Variants in CPT1B observed in about 807,000 individuals in gnomAD.
CPT1B encodes the protein carnitine O-palmitoyltransferase 1, muscle isoform.
Under a neutral mutation model 92.7 loss-of-function variants are expected in CPT1B, and 57 were observed. The ratio of observed to expected loss-of-function variants is 0.62; its 90% CI spans 0.50 to 0.77. The LOEUF is 0.77. Ranked by LOEUF, CPT1B falls within the 30% of genes least tolerant of loss-of-function variation. The pLI, the probability that CPT1B is intolerant of heterozygous loss-of-function variation, is 0.00. For synonymous variants in CPT1B, 398 were observed against 383.5 expected (o/e 1.04, Z -0.44); for missense variants, 983 against 1,017.4 (o/e 0.97, Z 0.46).
At position 50,577,016 on chromosome 22, in the gene CPT1B, G is replaced by C; in HGVS notation, c.300C>G (p.Thr100=). ...CLPQGCGPYQ[T]PQTRALLSMA... Reference sequence around the variant, plus strand: ...TGCTGAGAAGTGCCCGGGTCTGCGGGGTCTGGTAGGGGCCACACCTATTGG... The same window carrying C: ...TGCTGAGAAGTGCCCGGGTCTGCGGCGTCTGGTAGGGGCCACACCTATTGG... The change falls in exon 4 of 20, where the codon ACC becomes ACG. Residue 100 remains threonine (T), a synonymous_variant. Coordinates refer to ENST00000312108, the MANE Select transcript of CPT1B (RefSeq NM_152246.3). 6.2e-7 allele frequency: 1 copy of C among 1,614,030 alleles called. No individual in the cohort carries two copies. Among genetic ancestry groups the C allele is most frequent in the Non-Finnish European group, 8.5e-7 (1 of 1,180,024 alleles).
chr22:50,574,570 G>A lies in CPT1B; in HGVS notation c.808C>T (p.Gln270Ter). ...DLVLIKNTDV[Q>*]AARLGNIIHA... ...ATGATGTTTCCCAGGCGGGCTGCCT[G>A]CACGTCTGTATTCTTGATGAGCACA... The change falls in exon 8 of 20, where the codon CAG (glutamine) becomes TAG (stop). Residue 270 changes from glutamine (Q) to a stop codon, truncating the protein, a stop_gained. Coordinates refer to ENST00000312108, the MANE Select transcript of CPT1B (RefSeq NM_152246.3). LOFTEE classifies it high-confidence loss of function. The A allele has an allele frequency of 6.2e-7, 1 of 1,614,100 alleles. No individual in the cohort carries two copies. Among genetic ancestry groups the A allele is most frequent in the Non-Finnish European group, 8.5e-7 (1 of 1,180,014 alleles).
Position 50,571,437 on chromosome 22 carries a change from T to C in CPT1B, c.1678A>G (p.Lys560Glu). The C allele has an allele frequency of 6.2e-7, 1 of 1,613,836 alleles. No individual in the cohort carries two copies. The highest frequency in any genetic ancestry group is 8.5e-7 in the Non-Finnish European group (1 of 1,180,022). The change falls in exon 14 of 20, where the codon AAG becomes GAG. Residue 560 changes from lysine (K) to glutamate (E), a missense_variant. Transcript: ENST00000312108. ...QFLPFGKGLIKKCRTSPDAFV... is the reference protein window; with the variant it reads ...QFLPFGKGLIEKCRTSPDAFV... ...GCATCAGGGCTGGTCCGGCACTTCTTGATGAGGCCTTTGCCAAAGGGCAGG... is the reference window on the plus strand; with the variant it reads ...GCATCAGGGCTGGTCCGGCACTTCTCGATGAGGCCTTTGCCAAAGGGCAGG...
rs777493327 is a variant in CPT1B at position 50,577,054 on chromosome 22, G to T, written c.282-20C>A. Reference sequence around the variant, plus strand: ...CCACACCTATTGGAGAGGGGCAAGGGCTGCAGGGGGTCCTCTTGAGGCCAG... The same window carrying T: ...CCACACCTATTGGAGAGGGGCAAGGTCTGCAGGGGGTCCTCTTGAGGCCAG... On this transcript the variant is annotated intron_variant, in intron 3 of 19. Transcript: ENST00000312108. 2.5e-6 allele frequency: 4 copies of T among 1,611,470 alleles called. No homozygotes were observed. In the South Asian group the frequency reaches 3.3e-5, roughly 13 times the overall value.
chr22:50,572,435 TA>T, intron 11 of CPT1B, 127 bp from the exon 12 acceptor site: 1 of 643,406 alleles, frequency 1.6e-6, no homozygotes, highest in Non-Finnish European at 2.7e-6. Flanking sequence ...ACTTTTTTTT[TA>T]AATTGAGATG....
In CPT1B at chr22:50,569,073, A is replaced by AC. The variant is rs929238248; in HGVS notation, c.*10dup. 5.5e-6 allele frequency: 2 copies of AC among 365,996 alleles called. No individual in the cohort carries two copies. The highest frequency in any genetic ancestry group is 7.4e-5 in the South Asian group (2 of 27,198). 22.7% of individuals were successfully genotyped at this position (365,996 alleles called of 1,614,324 possible). ...CCGAGTTCCCAAACAAAACACAGGTACCTAAGGGCTGAGAGAAAATTACAC... is the reference window on the plus strand; with the variant it reads ...CCGAGTTCCCAAACAAAACACAGGTACCCTAAGGGCTGAGAGAAAATTACAC... On this transcript the variant is annotated 3_prime_UTR_variant, in exon 20 of 20. Transcript: ENST00000312108.
chr22:50,569,607 T>C lies in CPT1B; in HGVS notation c.2204A>G (p.His735Arg). ...TGAGCTTGAGAACTTGCTGGAGATG[T>C]GGAAGAAGATCGTGTTCTCGCCTGC... ...MIAGENTIFF[H>R]ISSKFSSSET... Residue 735 changes from histidine to arginine, a missense_variant, in exon 18 of 20, where the codon CAC becomes CGC. Coordinates refer to ENST00000312108, the MANE Select transcript of CPT1B (RefSeq NM_152246.3). 1 of 1,614,018 alleles carries C rather than the reference T, an allele frequency of 6.2e-7. No homozygotes were observed. Among genetic ancestry groups the C allele is most frequent in the Non-Finnish European group, 8.5e-7 (1 of 1,180,010 alleles).
At position 50,569,309 on chromosome 22, in the gene CPT1B, C is replaced by T. The variant is rs17848473; in HGVS notation, c.*2+27G>A. 1.8e-3 allele frequency: 2,877 copies of T among 1,609,606 alleles called. 66 individuals are homozygous for T. The South Asian group carries it at 0.025, about 14-fold the overall frequency. The stretch of plus-strand genomic sequence containing the variant: ...GGTCCCTTCCTCCACAGTGTGGGGA[C>T]GAAAGGGCAGCTGGCATTTCTCCAA... On this transcript the variant is annotated intron_variant, in intron 19 of 19. Transcript: ENST00000312108.
In CPT1B at chr22:50,574,064, C is replaced by T; in HGVS notation, c.970+271G>A. 4 of 671,608 alleles carry T rather than the reference C, an allele frequency of 6.0e-6. No homozygotes were observed. The East Asian group carries it at 8.2e-5, about 14-fold the overall frequency. The allele number at this position is 671,608 out of a possible 1,614,324, so 41.6% of individuals were successfully genotyped here. On this transcript the variant is annotated intron_variant, in intron 9 of 19. Transcript: ENST00000312108. ...CTCCCCTCCTCTGCCGGCTCCATGG[C>T]AGCGCCGGGTCTGTCCTAAGCTTTG...
At position 50,570,332 on chromosome 22, in the gene CPT1B, C is replaced by G. The variant is rs2070103551; in HGVS notation, c.2103G>C (p.Gln701His). 6.2e-7 allele frequency: 1 copy of G among 1,603,462 alleles called. No homozygotes were observed. Among genetic ancestry groups the G allele is most frequent in the Non-Finnish European group, 8.5e-7 (1 of 1,173,144 alleles). Residue 701 changes from glutamine to histidine, a missense_variant, in exon 17 of 20, where the codon CAG (glutamine) becomes CAC (histidine). Coordinates refer to ENST00000312108, the MANE Select transcript of CPT1B (RefSeq NM_152246.3). ...QSQIRMFDPE[Q>H]HPNHLGAGGG... Reference sequence around the variant, plus strand: ...CTCCAGCGCCCAGGTGATTGGGGTGCTGCTCTGGGTCGAACATGCGGATCT... The same window carrying G: ...CTCCAGCGCCCAGGTGATTGGGGTGGTGCTCTGGGTCGAACATGCGGATCT...
rs960442580 is a variant in CPT1B, at chr22:50,574,326, C to T, written c.970+9G>A. ...TGGCCCACAGGTAGCAGCGAGGGGGCTCAGTTACCTGTGTCCTTGCCCGGG... is the reference window on the plus strand; with the variant it reads ...TGGCCCACAGGTAGCAGCGAGGGGGTTCAGTTACCTGTGTCCTTGCCCGGG... On this transcript the variant is annotated intron_variant, in intron 9 of 19. Transcript: ENST00000312108. 2.5e-6 allele frequency: 4 copies of T among 1,608,178 alleles called. No homozygotes were observed. The African/African-American group carries it at 4.0e-5, about 16-fold the overall frequency.
At chr22:50,569,478 C>T in intron 18 of CPT1B, 57 bp from the exon 19 acceptor site, 1 of 1,610,588 alleles carries the variant, frequency 6.2e-7, no homozygotes, top group Non-Finnish European at 8.5e-7. Context: ...CCTCTGTTCC[C>T]ACAAGCAAGG....
In CPT1B at chr22:50,573,492, G is replaced by A. The variant is rs1219908449; in HGVS notation, c.1166+28C>T. On this transcript the variant is annotated intron_variant, in intron 10 of 19. Transcript: ENST00000312108. The surrounding 1 kb of genome is among the most constrained non-coding windows in gnomAD (Gnocchi z 5.0). ...CTCACGGAGCCCTGAACTCAGGGTG[G>A]GGACAGTCCCTTCCTAGAGGCCAAT... 6.4e-7 allele frequency: 1 copy of A among 1,570,050 alleles called. No individual in the cohort carries two copies.
At chr22:50,569,709 C>T in intron 17 of CPT1B, 41 bp from the exon 18 acceptor site, 1 of 1,514,972 alleles carries the variant, frequency 6.6e-7, no homozygotes, top group Non-Finnish European at 9.2e-7. Flanking sequence ...TAAATCAAAC[C>T]TTGAAGATCT....
intron 17 of CPT1B, 95 bp downstream of exon 17, chr22:50,570,198 T>A: frequency 1.1e-6 from 1 of 873,402 alleles, no homozygotes; most frequent in Middle Eastern, 3.6e-4. Flanking sequence ...CTAAGCAAGG[T>A]GCTCCTGCCT....
intron 11 of CPT1B, among the ~76,000 whole-genome samples, chr22:50,572,627 A>G (rs550889739): frequency 6.6e-6 from 1 of 151,694 alleles, no homozygotes; most frequent in East Asian, 1.9e-4. Context: ...AACCCTAGCC[A>G]CTAGCCCTAC....
At position 50,577,775 on chromosome 22, in the gene CPT1B, C is replaced by T; in HGVS notation, c.141G>A (p.Lys47=). 6.2e-7 allele frequency: 1 copy of T among 1,613,710 alleles called. No homozygotes were observed. The highest frequency in any genetic ancestry group is 8.5e-7 in the Non-Finnish European group (1 of 1,179,756). The change falls in exon 2 of 20, where the codon AAG becomes AAA. Residue 47 remains lysine, a splice_region_variant and synonymous_variant. Coordinates refer to ENST00000312108, the MANE Select transcript of CPT1B (RefSeq NM_152246.3). The part of the protein sequence containing the change: ...NSWKKRLIRI[K]NGILRGVYPG... ...CTCTGGGAGAAGCACCTGTGCGCAC[C>T]TTGATGCGGATCAGGCGTTTCTTCC...
At position 50,572,893 on chromosome 22, in the gene CPT1B, T is replaced by G; in HGVS notation, c.1334A>C (p.His445Pro). The G allele has an allele frequency of 1.2e-6, 2 of 1,606,716 alleles. No individual in the cohort carries two copies. The highest frequency in any genetic ancestry group is 8.5e-7 in the Non-Finnish European group (1 of 1,173,950). Residue 445 changes from histidine (H) to proline (P), a missense_variant, in exon 11 of 20, where the codon CAT becomes CCT. Physicochemically the swap from His to Pro is moderately conservative, Grantham distance 77. Transcript: ENST00000312108. ...GCCGTACCTGTTGTAGCAGTTGCCA[T>G]GTAGCAGGGCCTTGCCATAGAGGCT... ...SLSLYGKALL[H>P]GNCYNRWFDK...
intron 2 of CPT1B, 87 bp from the exon 3 acceptor site, chr22:50,577,550 G>A: frequency 6.5e-7 from 1 of 1,538,960 alleles, no homozygotes; most frequent in Non-Finnish European, 8.8e-7. Context: ...TCCTGGTCTT[G>A]GCCTGGAAGG....
Position 50,570,495 on chromosome 22 carries a change from C to G in CPT1B, c.2029-89G>C, listed in dbSNP as rs1469054418. 3.7e-6 allele frequency: 4 copies of G among 1,082,904 alleles called. No individual in the cohort carries two copies. The South Asian group carries it at 6.4e-5, about 17-fold the overall frequency. The allele number at this position is 1,082,904 out of a possible 1,614,324, so 67.1% of individuals were successfully genotyped here. On this transcript the variant is annotated intron_variant, in intron 16 of 19. Coordinates refer to ENST00000312108, the MANE Select transcript of CPT1B (RefSeq NM_152246.3). ...TCTGCGACCTACTCTGAGCCAGACACGGTTCTGCTGAGGGTGCAGGAGCTC... is the reference window on the plus strand; with the variant it reads ...TCTGCGACCTACTCTGAGCCAGACAGGGTTCTGCTGAGGGTGCAGGAGCTC...
Sources: gnomAD v4.1 joint callset for allele counts (sites outside exome capture counted in the v4.1 genomes callset) on GRCh38, gnomAD v4.1.1 for gene constraint, Gnocchi (gnomAD v3.1) non-coding constraint, MANE v1.5 for transcripts, NCBI Gene and HGNC (gene_info 2026-07-23, HGNC 2026-07-21) for gene names.